Variants in PCDHGA5 observed in about 807,000 individuals in gnomAD.
The protein encoded by PCDHGA5 is protocadherin gamma subfamily A, 5, also known as protocadherin gamma-A5.
In PCDHGA5, 36 loss-of-function variants were observed where a neutral mutation model predicts 56.7. The ratio of observed to expected loss-of-function variants is 0.64; its 90% confidence interval spans 0.49 to 0.84. PCDHGA5 has a LOEUF of 0.84. Ranked by LOEUF, PCDHGA5 falls within the 40% of genes least tolerant of loss-of-function variation. The probability of loss-of-function intolerance (pLI) is 0.00; values close to 1 mark genes in which losing one functional copy is unlikely to be tolerated. For synonymous variants in PCDHGA5, 563 were observed against 520.2 expected, an observed-to-expected ratio of 1.08 and a Z score of -1.12; for missense variants, 1,305 against 1,201.5, an observed-to-expected ratio of 1.09 and a Z score of -1.27.
rs771124496 is a variant in PCDHGA5, at chr5:141,489,457, C to A, written c.2422-5350C>A. The A allele has an allele frequency of 6.2e-7, 1 of 1,613,882 alleles. No homozygotes were observed. The highest frequency in any genetic ancestry group is 8.5e-7 in the Non-Finnish European group (1 of 1,179,984). ...GCAATTGGGCTCTGAGGAGAATGGG[C>A]GCTATTTTTCCCTGAGCTTGATGAG... On this transcript the variant is annotated intron_variant, in intron 1 of 3. Coordinates refer to ENST00000518069, the MANE Select transcript of PCDHGA5 (RefSeq NM_018918.3). This position sits in a 1 kb window ranked among gnomAD's most constrained non-coding sequence, Gnocchi z 4.5.
In PCDHGA5 at chr5:141,423,069, G is replaced by A. The variant is rs1364397726; in HGVS notation, c.2421+56318G>A. ...CCTATCGCCTGCTTAAGGCCAGCGA[G>A]CCGGGACTCTTCGCGGTGGGGGAGC... On this transcript the variant is annotated intron_variant, in intron 1 of 3. Transcript: ENST00000518069. 8 of 1,614,034 alleles carry A rather than the reference G, an allele frequency of 5.0e-6. No homozygotes were observed. In the African/African-American group the frequency reaches 1.1e-4, roughly 22 times the overall value.
chr5:141,511,353 A>C lies in PCDHGA5; in HGVS notation c.*180A>C. ...AGTCAGCACCTACCCCTTCCCCCCC[A>C]GGGGGTTGAATATGCAAAAGCAGTT... On this transcript the variant is annotated 3_prime_UTR_variant, in exon 4 of 4. Transcript: ENST00000518069. 7.3e-7 allele frequency: 1 copy of C among 1,371,054 alleles called. No individual in the cohort carries two copies. Among genetic ancestry groups the C allele is most frequent in the Non-Finnish European group, 9.7e-7 (1 of 1,027,740 alleles). The allele number at this position is 1,371,054 out of a possible 1,614,324, so 84.9% of individuals were successfully genotyped here. A position where few individuals can be genotyped will look rare whatever the true frequency, so the allele number is the denominator to read the frequency against.
rs372018713 is a variant in PCDHGA5, at chr5:141,418,097, C to G, written c.2421+51346C>G. ...GAAGCTGCACTTCAGCGTAGACGCG[C>G]AGAGCGGGGACTTACTTGTGAAGGA... On this transcript the variant is annotated intron_variant, in intron 1 of 3. Coordinates refer to ENST00000518069, the MANE Select transcript of PCDHGA5 (RefSeq NM_018918.3). The G allele has an allele frequency of 5.7e-4, 921 of 1,613,980 alleles. 9 individuals are homozygous for G. The South Asian group carries it at 6.8e-3, about 12-fold the overall frequency.
chr5:141,365,337 C>T lies in PCDHGA5; in HGVS notation c.1007C>T (p.Thr336Ile). 1.9e-6 allele frequency: 3 copies of T among 1,613,956 alleles called. No homozygotes were observed. The highest frequency in any genetic ancestry group is 2.5e-6 in the Non-Finnish European group (3 of 1,179,882). ...GTTGCCAGCGCTAAGGTGGTGGTCA[C>T]AGTACAGGACGTGAATGACAATGCC... is the stretch of plus-strand genomic sequence containing the variant. Reference protein sequence around the residue: ...ALVASAKVVVTVQDVNDNAPE... With the variant: ...ALVASAKVVVIVQDVNDNAPE... The change falls in exon 1 of 4, where the codon ACA becomes ATA. Residue 336 changes from threonine to isoleucine, a missense_variant. Coordinates refer to ENST00000518069, the MANE Select transcript of PCDHGA5 (RefSeq NM_018918.3).
intron 1 of PCDHGA5, chr5:141,422,315 C>T: frequency 6.5e-7 from 1 of 1,547,896 alleles, no homozygotes; most frequent in Non-Finnish European, 8.7e-7. Flanking sequence ...AACTCTCCTC[C>T]AGGTACAGTG....
In PCDHGA5 at chr5:141,512,874, C is replaced by G. The variant is rs2099884476; in HGVS notation, c.*1701C>G. The G allele has an allele frequency of 6.6e-6, 1 of 152,246 alleles. No homozygotes were observed. Among genetic ancestry groups the G allele is most frequent in the Non-Finnish European group, 1.5e-5 (1 of 68,062 alleles). 9.4% of individuals were successfully genotyped at this position (152,246 alleles called of 1,614,324 possible). ...CTTCTCTTCGCATAGTCACGTAGCT[C>G]CCACCCCACCCTCTTCCTGTGTCTC... On this transcript the variant is annotated 3_prime_UTR_variant, in exon 4 of 4. Transcript: ENST00000518069.
intron 1 of PCDHGA5, among the ~76,000 whole-genome samples, chr5:141,488,635 C>T (rs1476156734): frequency 6.6e-6 from 1 of 152,152 alleles, no homozygotes; most frequent in Non-Finnish European, 1.5e-5. Flanking sequence ...ACCTTAGCAG[C>T]ATTCAGCAGG....
Position 141,491,248 on chromosome 5 carries a change from G to T in PCDHGA5, c.2422-3559G>T, listed in dbSNP as rs757712577. On this transcript the variant is annotated intron_variant, in intron 1 of 3. Transcript: ENST00000518069. The surrounding 1 kb of genome is among the most constrained non-coding windows in gnomAD (Gnocchi z 6.9). ...AGTGCTGCTGGTTCTGGAGGATGAG[G>T]ACCCTGAGGAAATGCCCAAATCCAG... 3 of 1,614,170 alleles carry T rather than the reference G, an allele frequency of 1.9e-6. No individual in the cohort carries two copies. Among genetic ancestry groups the T allele is most frequent in the Non-Finnish European group, 2.5e-6 (3 of 1,180,018 alleles).
intron 1 of PCDHGA5, chr5:141,389,559 C>T (rs1388057704): frequency 1.2e-6 from 2 of 1,613,274 alleles, no homozygotes; most frequent in East Asian, 2.2e-5. Flanking sequence ...CAATGCGCCA[C>T]GGGTGCTGTA....
At chr5:141,399,625 T>C (rs1270466401) in intron 1 of PCDHGA5, 9 of 1,613,796 alleles carry the variant, frequency 5.6e-6, no homozygotes, top group African/African-American at 1.3e-5. Context: ...ACTGGCCTCT[T>C]ACGTGTCCAT....
chr5:141,388,404 C>T, intron 1 of PCDHGA5: 1 of 1,613,952 alleles, frequency 6.2e-7, no homozygotes, highest in Non-Finnish European at 8.5e-7. Context: ...CCAACTCAGT[C>T]CCAGTGATCA....
At position 141,403,267 on chromosome 5, in the gene PCDHGA5, C is replaced by T. The variant is rs767670942; in HGVS notation, c.2421+36516C>T. On this transcript the variant is annotated intron_variant, in intron 1 of 3. Transcript: ENST00000518069. ...CTCAGAGCCCGCGGTGTCTGGTGAA[C>T]TTTAAAGTCCTGGTTGAAGACAGAG... is the stretch of plus-strand genomic sequence containing the variant. 4.4e-5 allele frequency: 71 copies of T among 1,613,770 alleles called. No homozygotes were observed. Among genetic ancestry groups the T allele is most frequent in the Non-Finnish European group, 5.8e-5 (69 of 1,179,916 alleles).
intron 1 of PCDHGA5, among the ~76,000 whole-genome samples, chr5:141,407,044 A>G (rs972892343): frequency 6.6e-6 from 1 of 152,246 alleles, no homozygotes; most frequent in African/African-American, 2.4e-5. Flanking sequence ...TGTGATCCAT[A>G]GATACACTGA....
In PCDHGA5 at chr5:141,389,374, G is replaced by A. The variant is rs192606668; in HGVS notation, c.2421+22623G>A. On this transcript the variant is annotated intron_variant, in intron 1 of 3. Coordinates refer to ENST00000518069, the MANE Select transcript of PCDHGA5 (RefSeq NM_018918.3). Reference sequence around the variant, plus strand: ...ATCATGGCCAGTGACCTGGAGCAGCGGGAGCTGTCATCCTACGTGTCCATA... The same window carrying A: ...ATCATGGCCAGTGACCTGGAGCAGCAGGAGCTGTCATCCTACGTGTCCATA... 1,030 of 1,613,784 alleles carry A rather than the reference G, an allele frequency of 6.4e-4. 16 individuals are homozygous for A. The East Asian group carries it at 0.021, about 33-fold the overall frequency.
At position 141,490,006 on chromosome 5, in the gene PCDHGA5, C is replaced by T; in HGVS notation, c.2422-4801C>T. The stretch of plus-strand genomic sequence containing the variant: ...ACGTGTGGGAATCCCAGAGAATGCA[C>T]CCATTGGTACTCTGCTGCTCCGCCT... On this transcript the variant is annotated intron_variant, in intron 1 of 3. Coordinates refer to ENST00000518069, the MANE Select transcript of PCDHGA5 (RefSeq NM_018918.3). This position sits in a 1 kb window ranked among gnomAD's most constrained non-coding sequence, Gnocchi z 5.4. 2 of 1,614,222 alleles carry T rather than the reference C, an allele frequency of 1.2e-6. No homozygotes were observed. The highest frequency in any genetic ancestry group is 1.7e-6 in the Non-Finnish European group (2 of 1,180,010).
chr5:141,488,222 G>A (rs1351438124), intron 1 of PCDHGA5, among the ~76,000 whole-genome samples: 1 of 152,104 alleles, frequency 6.6e-6, no homozygotes, highest in Admixed American at 6.5e-5. Flanking sequence ...TCCCTACTGG[G>A]GATTTGAACT....
At chr5:141,388,742 G>C (rs1340234849) in intron 1 of PCDHGA5, 1 of 1,613,886 alleles carries the variant, frequency 6.2e-7, no homozygotes, top group Non-Finnish European at 8.5e-7. Context: ...AAGCTAGCCA[G>C]ATCACCCAAT....
At chr5:141,471,926 G>T (rs2099266798) in intron 1 of PCDHGA5, among the ~76,000 whole-genome samples, 1 of 152,110 alleles carries the variant, frequency 6.6e-6, no homozygotes, top group African/African-American at 2.4e-5. Flanking sequence ...AATTTTGGGG[G>T]TGATGAGAGT....
Position 141,489,341 on chromosome 5 carries a change from CAGT to C in PCDHGA5, c.2422-5465_2422-5463del. The stretch of plus-strand genomic sequence containing the variant: ...TGGGTGTCTGGGCAGCTTCGTTACT[CAGT>C]GGTGGAGGAGTCTGAGCCGGGGACG... On this transcript the variant is annotated intron_variant, in intron 1 of 3. Coordinates refer to ENST00000518069, the MANE Select transcript of PCDHGA5 (RefSeq NM_018918.3). This position sits in a 1 kb window ranked among gnomAD's most constrained non-coding sequence, Gnocchi z 4.5. The C allele has an allele frequency of 6.2e-7, 1 of 1,609,088 alleles. No homozygotes were observed. Among genetic ancestry groups the C allele is most frequent in the Non-Finnish European group, 8.5e-7 (1 of 1,176,770 alleles).
Sources: gnomAD v4.1 joint callset for allele counts (sites outside exome capture counted in the v4.1 genomes callset) on GRCh38, gnomAD v4.1.1 for gene constraint, Gnocchi (gnomAD v3.1) non-coding constraint, MANE v1.5 for transcripts, NCBI Gene and HGNC (gene_info 2026-07-23, HGNC 2026-07-21) for gene names.